Variants in FANK1 observed in about 807,000 individuals in gnomAD.
FANK1 encodes fibronectin type III and ankyrin repeat domains 1.
In FANK1, 44 loss-of-function variants were observed where a neutral mutation model predicts 45.3. The observed-to-expected ratio is 0.97, with a 90% CI of 0.76 to 1.25. The LOEUF (loss-of-function observed/expected upper bound fraction) is 1.25. FANK1 is among the 50% of genes most tolerant of loss of function. The pLI, the probability that FANK1 is intolerant of heterozygous loss-of-function variation, is 0.00. For synonymous variants in FANK1, 149 were observed against 152.5 expected (o/e 0.98, Z 0.17); for missense variants, 391 against 424.4 (o/e 0.92, Z 0.69).
At chr10:125,942,201 T>TGC (rs1564894948) in intron 1 of FANK1, among the ~76,000 whole-genome samples, 1 of 152,214 alleles carries the variant, frequency 6.6e-6, no homozygotes, top group Admixed American at 6.5e-5. Flanking sequence ...ATGGGCAGTG[T>TGC]GCAAGAGCAT....
At chr10:125,937,222 A>AGTT (rs1176738216) in intron 1 of FANK1, among the ~76,000 whole-genome samples, 1 of 152,222 alleles carries the variant, frequency 6.6e-6, no homozygotes, top group Non-Finnish European at 1.5e-5. Flanking sequence ...ATTGCCAAAC[A>AGTT]GTTGTTCAAG....
chr10:125,996,114 C>T (rs1048316200), intron 4 of FANK1, among the ~76,000 whole-genome samples: 3 of 152,124 alleles, frequency 2.0e-5, no homozygotes, highest in African/African-American at 2.4e-5. Flanking sequence ...TGAAGACCTC[C>T]GAAAGGGCTG....
At chr10:126,003,736 C>A (rs1952956008) in intron 6 of FANK1, among the ~76,000 whole-genome samples, 2 of 151,926 alleles carry the variant, frequency 1.3e-5, no homozygotes, top group African/African-American at 4.8e-5. Flanking sequence ...AGTGCAGTGG[C>A]ATGATCTCGG....
chr10:125,926,396 T>A, intron 1 of FANK1, among the ~76,000 whole-genome samples: 1 of 152,308 alleles, frequency 6.6e-6, no homozygotes, highest in Non-Finnish European at 1.5e-5. Flanking sequence ...ATCGTCAAGA[T>A]ACAGAACAGT....
At chr10:125,984,207 T>G (rs1037429030) in intron 2 of FANK1, among the ~76,000 whole-genome samples, 2 of 152,100 alleles carry the variant, frequency 1.3e-5, no homozygotes, top group Non-Finnish European at 2.9e-5. Flanking sequence ...CGGCCAGGGC[T>G]CCATCCTGCA....
At chr10:125,919,645 C>T (rs2366329) in intron 1 of FANK1, among the ~76,000 whole-genome samples, 1 of 152,010 alleles carries the variant, frequency 6.6e-6, no homozygotes, top group Non-Finnish European at 1.5e-5. Flanking sequence ...AACGTGAACC[C>T]TAGCCTTTAG....
rs113924918 is a variant in FANK1, at chr10:125,999,301, G to A, written c.539+1816G>A. Reference sequence around the variant, plus strand: ...TGCAAGCTCTGCCTCCCGGGTTCACGCCATTCTCCTGCCTCAGCCTCCCAA... The same window carrying A: ...TGCAAGCTCTGCCTCCCGGGTTCACACCATTCTCCTGCCTCAGCCTCCCAA... On this transcript the variant is annotated intron_variant, in intron 6 of 10. Coordinates refer to ENST00000368693, the MANE Select transcript of FANK1 (RefSeq NM_145235.5). 7.4e-3 allele frequency among the ~76,000 whole-genome samples: 1,116 copies of A among 149,904 alleles called. 14 individuals carry two copies. The highest frequency in any genetic ancestry group is 0.023 in the African/African-American group (955 of 40,822).
At chr10:125,970,254 C>T (rs1950418849) in intron 1 of FANK1, among the ~76,000 whole-genome samples, 1 of 151,948 alleles carries the variant, frequency 6.6e-6, no homozygotes, top group Non-Finnish European at 1.5e-5. Context: ...AGAGGCGCCC[C>T]TGCCTTCCAG....
rs577272458 is a variant in FANK1, at chr10:125,992,188, C to T, written c.317-3229C>T. 3.9e-5 allele frequency among the ~76,000 whole-genome samples: 6 copies of T among 152,316 alleles called. No individual in the cohort carries two copies. In the South Asian group the frequency reaches 1.2e-3, roughly 32 times the overall value. On this transcript the variant is annotated intron_variant, in intron 3 of 10. Transcript: ENST00000368693. ...TGGGAGGAATGAAACATTCTGTTCA[C>T]CCTGGAATTTCCTCTCTGTTCCTCA... is the stretch of plus-strand genomic sequence containing the variant.
rs1951333239 is a variant in FANK1, at chr10:125,983,207, C to G, written c.191+2869C>G. Among the ~76,000 whole-genome samples the G allele has an allele frequency of 6.6e-6, 1 of 152,154 alleles. No individual in the cohort carries two copies. Among genetic ancestry groups the G allele is most frequent in the Admixed American group, 6.5e-5 (1 of 15,270 alleles). On this transcript the variant is annotated intron_variant, in intron 2 of 10. Coordinates refer to ENST00000368693, the MANE Select transcript of FANK1 (RefSeq NM_145235.5). This position sits in a 1 kb window ranked among gnomAD's most constrained non-coding sequence, Gnocchi z 4.3. ...TTTGGACAGATTTTCCCCTCTCACCCTATTCTTTCTTCTGCCCTGGTCAGA... is the reference window on the plus strand; with the variant it reads ...TTTGGACAGATTTTCCCCTCTCACCGTATTCTTTCTTCTGCCCTGGTCAGA...
At chr10:125,971,356 C>A (rs775560081) in intron 1 of FANK1, among the ~76,000 whole-genome samples, 1 of 151,972 alleles carries the variant, frequency 6.6e-6, no homozygotes, top group Non-Finnish European at 1.5e-5. Context: ...TCTATACCAT[C>A]TTTCCTTTCC....
intron 1 of FANK1, among the ~76,000 whole-genome samples, chr10:125,919,149 T>C (rs147382338): frequency 6.7e-6 from 1 of 148,410 alleles, no homozygotes; most frequent in Non-Finnish European, 1.5e-5. Context: ...AAGTGTTTAA[T>C]GTCAAATAGA....
chr10:126,006,675 C>A (rs1953229711), intron 7 of FANK1, among the ~76,000 whole-genome samples: 1 of 152,204 alleles, frequency 6.6e-6, no homozygotes, highest in African/African-American at 2.4e-5. Flanking sequence ...ACCTGGCCAA[C>A]ATGGTGAAAC....
In FANK1 at chr10:125,928,261, CT is replaced by C. The variant is rs34889746; in HGVS notation, c.13+31624del. 8.9e-3 allele frequency among the ~76,000 whole-genome samples: 1,219 copies of C among 137,668 alleles called. 24 individuals carry two copies. Among genetic ancestry groups the C allele is most frequent in the African/African-American group, 0.026 (942 of 36,584 alleles). The allele number at this position is 137,668 out of a possible 152,430, so 90.3% of individuals were successfully genotyped here. On this transcript the variant is annotated intron_variant, in intron 1 of 10. Transcript: ENST00000368693. ...TAAACAAGGGGTGGATTATTCGTGC[CT>C]TTTTTTTTTTTTTTTTTAAAGACCA...
intron 3 of FANK1, among the ~76,000 whole-genome samples, chr10:125,990,941 T>C (rs956790469): frequency 6.6e-6 from 1 of 152,154 alleles, no homozygotes; most frequent in Non-Finnish European, 1.5e-5. Flanking sequence ...TCAGATCTTA[T>C]GAGACTTATT....
intron 2 of FANK1, among the ~76,000 whole-genome samples, chr10:125,984,298 G>A (rs967154208): frequency 4.6e-5 from 7 of 152,226 alleles, no homozygotes; most frequent in Admixed American, 6.5e-5. Flanking sequence ...AGAGAGCATG[G>A]CATGCTGTTT....
chr10:125,970,036 A>G (rs2134188884), intron 1 of FANK1, among the ~76,000 whole-genome samples: 1 of 152,346 alleles, frequency 6.6e-6, no homozygotes, highest in East Asian at 1.9e-4. Flanking sequence ...TTCTACACAG[A>G]CACAGTAACA....
At chr10:125,958,493 C>T (rs1412550841) in intron 1 of FANK1, among the ~76,000 whole-genome samples, 3 of 152,128 alleles carry the variant, frequency 2.0e-5, no homozygotes, top group African/African-American at 7.2e-5. Flanking sequence ...CAGCCTTGGC[C>T]TCCTAAGGTG....
intron 1 of FANK1, among the ~76,000 whole-genome samples, chr10:125,906,306 A>C (rs1945509424): frequency 6.6e-6 from 1 of 152,038 alleles, no homozygotes; most frequent in Non-Finnish European, 1.5e-5. Flanking sequence ...ACCTGAGGTC[A>C]GGAGTTTGAG....
Sources: gnomAD v4.1 joint callset for allele counts (sites outside exome capture counted in the v4.1 genomes callset) on GRCh38, gnomAD v4.1.1 for gene constraint, Gnocchi (gnomAD v3.1) non-coding constraint, MANE v1.5 for transcripts, NCBI Gene and HGNC (gene_info 2026-07-23, HGNC 2026-07-21) for gene names.